The following SLC24A3 variants were observed in gnomAD, a reference collection of about 807,000 sequenced individuals.
The protein encoded by SLC24A3 is solute carrier family 24 member 3.
SLC24A3 carries 28 observed loss-of-function variants against 75.8 expected under a neutral mutation model. That is an observed-to-expected ratio of 0.37 (90% CI 0.27 to 0.51). SLC24A3 has a LOEUF of 0.51. SLC24A3 is among the 20% of genes least tolerant of loss of function. The pLI is 0.94. For missense variants in SLC24A3, 663 were observed against 847.8 expected, an observed-to-expected ratio of 0.78 and a Z score of 2.71; for synonymous variants, 372 against 334.1, an observed-to-expected ratio of 1.11 and a Z score of -1.24.
intron 13 of SLC24A3, among the ~76,000 whole-genome samples, chr20:19,696,043 G>C (rs1265426560): frequency 2.5e-5 from 2 of 78,592 alleles, no homozygotes; most frequent in African/African-American, 4.6e-5. Context: ...TGTGAGACAG[G>C]GTCTCACTGT....
intron 15 of SLC24A3, among the ~76,000 whole-genome samples, chr20:19,703,986 A>G (rs6136820): frequency 0.46 from 70,354 of 152,114 alleles, 17,612 homozygotes; most frequent in East Asian, 0.64. Context: ...TGTGTTCAGC[A>G]GTTCTCATCA....
At chr20:19,271,950 A>G (rs1294033920) in intron 1 of SLC24A3, among the ~76,000 whole-genome samples, 1 of 152,046 alleles carries the variant, frequency 6.6e-6, no homozygotes. Flanking sequence ...GTAACCAAAA[A>G]CCTCCTATTC....
intron 8 of SLC24A3, among the ~76,000 whole-genome samples, chr20:19,666,961 G>A (rs1404296384): frequency 2.6e-5 from 4 of 152,178 alleles, no homozygotes; most frequent in Non-Finnish European, 4.4e-5. Flanking sequence ...ATCTACAGAG[G>A]TAAGCAATGT....
chr20:19,534,592 T>C (rs1043852672), intron 3 of SLC24A3, among the ~76,000 whole-genome samples: 1 of 152,246 alleles, frequency 6.6e-6, no homozygotes, highest in Admixed American at 6.5e-5. Context: ...TTCGTATTTT[T>C]AGTAGAGACA....
At chr20:19,658,683 C>T (rs1168876961) in intron 7 of SLC24A3, among the ~76,000 whole-genome samples, 1 of 152,166 alleles carries the variant, frequency 6.6e-6, no homozygotes, top group Non-Finnish European at 1.5e-5. Flanking sequence ...TGGACAGGGG[C>T]TCTGAAAGCG....
At chr20:19,717,630 C>T (rs757751137) in intron 16 of SLC24A3, 37 bp downstream of exon 16, 1 of 1,612,066 alleles carries the variant, frequency 6.2e-7, no homozygotes, top group South Asian at 1.1e-5. Context: ...TTGTGTTTGC[C>T]TGTTCTTTCC....
intron 3 of SLC24A3, among the ~76,000 whole-genome samples, chr20:19,523,302 C>T (rs529683798): frequency 3.9e-5 from 6 of 152,186 alleles, no homozygotes; most frequent in South Asian, 4.2e-4. Context: ...GCAGGGCAGA[C>T]GTGTTTAGTT....
At chr20:19,328,354 A>C (rs942090540) in intron 2 of SLC24A3, among the ~76,000 whole-genome samples, 1 of 152,104 alleles carries the variant, frequency 6.6e-6, no homozygotes, top group South Asian at 2.1e-4. Context: ...CCAGGCATAC[A>C]TTGTTAAAGG....
At chr20:19,298,841 G>T (rs1381203811) in intron 2 of SLC24A3, among the ~76,000 whole-genome samples, 1 of 152,212 alleles carries the variant, frequency 6.6e-6, no homozygotes, top group Non-Finnish European at 1.5e-5. Flanking sequence ...ACATACCTCA[G>T]AGTTCTCCCT....
chr20:19,368,897 T>C (rs6035313), intron 2 of SLC24A3, among the ~76,000 whole-genome samples: 57 of 152,246 alleles, frequency 3.7e-4, no homozygotes, highest in African/African-American at 1.3e-3. Flanking sequence ...AAATAAATAA[T>C]GACAATAACA....
intron 2 of SLC24A3, among the ~76,000 whole-genome samples, chr20:19,396,573 T>C (rs1391734550): frequency 2.6e-5 from 4 of 152,210 alleles, no homozygotes; most frequent in Non-Finnish European, 5.9e-5. Context: ...ATACAGCAGG[T>C]CTAGAACATG....
At chr20:19,642,286 T>C (rs1448963726) in intron 6 of SLC24A3, among the ~76,000 whole-genome samples, 3 of 152,248 alleles carry the variant, frequency 2.0e-5, no homozygotes, top group Non-Finnish European at 2.9e-5. Context: ...CACTGTTCCT[T>C]ATGTATATAT....
chr20:19,431,530 G>T (rs1200238984), intron 2 of SLC24A3, among the ~76,000 whole-genome samples: 1 of 152,050 alleles, frequency 6.6e-6, no homozygotes, highest in Non-Finnish European at 1.5e-5. Flanking sequence ...CCTTTGGTCA[G>T]TGGTGAGGTG....
intron 12 of SLC24A3, among the ~76,000 whole-genome samples, chr20:19,687,989 G>A (rs1252992426): frequency 6.6e-6 from 1 of 152,108 alleles, no homozygotes; most frequent in Non-Finnish European, 1.5e-5. Context: ...ATCCCCTCCT[G>A]TGTCCTTCCT....
chr20:19,651,954 G>A (rs1265821086), intron 6 of SLC24A3, among the ~76,000 whole-genome samples: 1 of 151,724 alleles, frequency 6.6e-6, no homozygotes, highest in Non-Finnish European at 1.5e-5. Context: ...TCTGTTTTCT[G>A]GAACTTCAAT....
chr20:19,500,701 A>G (rs938088600), intron 2 of SLC24A3, among the ~76,000 whole-genome samples: 1 of 152,220 alleles, frequency 6.6e-6, no homozygotes, highest in Non-Finnish European at 1.5e-5. Context: ...AAATTCTGCT[A>G]AGTTATTTTA....
intron 6 of SLC24A3, among the ~76,000 whole-genome samples, chr20:19,641,340 C>G (rs1195624071): frequency 6.6e-6 from 1 of 152,184 alleles, no homozygotes; most frequent in Non-Finnish European, 1.5e-5. Flanking sequence ...GTCTTCCCAG[C>G]TATAAAATTA....
intron 6 of SLC24A3, among the ~76,000 whole-genome samples, chr20:19,587,686 T>G (rs1463052878): frequency 6.6e-6 from 1 of 152,148 alleles, no homozygotes; most frequent in African/African-American, 2.4e-5. Context: ...CGGGTCTGGG[T>G]TTAAATCCTG....
At chr20:19,307,130 G>A (rs1429623375) in intron 2 of SLC24A3, among the ~76,000 whole-genome samples, 1 of 152,142 alleles carries the variant, frequency 6.6e-6, no homozygotes, top group African/African-American at 2.4e-5. Context: ...TGGCCATTGC[G>A]TTTTCATTGA....
Sources: gnomAD v4.1 joint callset for allele counts (sites outside exome capture counted in the v4.1 genomes callset) on GRCh38, gnomAD v4.1.1 for gene constraint, MANE v1.5 for transcripts, NCBI Gene and HGNC (gene_info 2026-07-23, HGNC 2026-07-21) for gene names.